PPOX: variants seen among roughly 807,000 people sequenced by gnomAD.
PPOX encodes the protein variegate porphyria.
PPOX carries 23 observed loss-of-function variants against 54.1 expected under a neutral mutation model. That is an observed-to-expected ratio of 0.43 (90% confidence interval 0.31 to 0.60). PPOX has a LOEUF of 0.60. Ranked by LOEUF, PPOX falls within the 20% of genes least tolerant of loss-of-function variation. The pLI, the probability that PPOX is intolerant of heterozygous loss-of-function variation, is 0.13. For synonymous variants in PPOX, 224 were observed against 236.1 expected (o/e 0.95, Z 0.47); for missense variants, 512 against 601.1 (o/e 0.85, Z 1.55).
rs200269178 is a variant in PPOX at position 161,170,576 on chromosome 1, T to C, written c.1099-44T>C. On this transcript the variant is annotated intron_variant, in intron 10 of 12. Transcript: ENST00000367999. ...TTCCAGAGGGCTCCTCTGTGCTCCA[T>C]TGTAGGCAAGGCCAGACTGATCAGT... 104 of 1,614,126 alleles carry C rather than the reference T, an allele frequency of 6.4e-5. No homozygotes were observed. The East Asian group carries it at 1.8e-3, about 29-fold the overall frequency.
downstream of PPOX, chr1:161,173,963 G>T: frequency 6.2e-7 from 1 of 1,614,158 alleles, no homozygotes; most frequent in Non-Finnish European, 8.5e-7. Flanking sequence ...CATCGTGCAA[G>T]AACAGGCAGT....
At chr1:161,177,134 G>A, downstream of PPOX, 3 of 1,477,424 alleles carry the variant, frequency 2.0e-6, no homozygotes, top group Non-Finnish European at 2.7e-6. Flanking sequence ...GGGAGAGCAG[G>A]GGCAGAGACA....
chr1:161,175,164 G>C (rs762343007), downstream of PPOX: 31 of 1,613,768 alleles, frequency 1.9e-5, no homozygotes, highest in Middle Eastern at 6.6e-4. Flanking sequence ...GTTCTACCCG[G>C]GGATTCCGCT....
At chr1:161,168,651 T>G in intron 6 of PPOX, 75 bp downstream of exon 6, 1 of 1,559,340 alleles carries the variant, frequency 6.4e-7, no homozygotes, top group South Asian at 1.1e-5. Context: ...AGGGGTGCTA[T>G]TCAATGATTC....
intron 6 of PPOX, 99 bp from the exon 7 acceptor site, chr1:161,168,894 C>G: frequency 7.2e-7 from 1 of 1,396,730 alleles, no homozygotes; most frequent in Non-Finnish European, 9.9e-7. Flanking sequence ...AAACTCCTGA[C>G]CTCAAGTGAT....
At chr1:161,166,340 T>C (rs1658878619), upstream of PPOX, 1 of 1,039,108 alleles carries the variant, frequency 9.6e-7, no homozygotes, top group Non-Finnish European at 1.2e-6. Flanking sequence ...CAATGTTTTA[T>C]TGGTGAACGT....
Position 161,169,173 on chromosome 1 carries a change from G to T in PPOX, c.797G>T (p.Gly266Val), listed in dbSNP as rs1660220346. Residue 266 changes from glycine (G) to valine (V), a missense_variant, in exon 7 of 13, where the codon GGG (glycine) becomes GTG (valine). By Grantham distance (109) the Gly-to-Val change is moderately radical. Transcript: ENST00000367999. The stretch of plus-strand genomic sequence containing the variant: ...TGTGGGCTCAGCCTCCAGGCAGAAG[G>T]GCGCTGGAAGGTAGGGGAACCCCTG... ...PVCGLSLQAE[G>V]RWKVSLRDSS... 2 of 1,613,928 alleles carry T rather than the reference G, an allele frequency of 1.2e-6. No individual in the cohort carries two copies. Among genetic ancestry groups the T allele is most frequent in the African/African-American group, 2.7e-5 (2 of 75,064 alleles).
Position 161,169,702 on chromosome 1 carries a change from A to C in PPOX, c.850A>C (p.Ser284Arg), listed in dbSNP as rs776885557. ...CAGTCTGGAGGCTGACCACGTTATT[A>C]GTGCCATTCCAGCTTCAGGTAATGG... Reference protein sequence around the residue: ...DSSLEADHVISAIPASVLSEL... With the variant: ...DSSLEADHVIRAIPASVLSEL... Residue 284 changes from serine (S) to arginine (R), a missense_variant, in exon 8 of 13, where the codon AGT becomes CGT. Transcript: ENST00000367999. The C allele has an allele frequency of 6.2e-7, 1 of 1,614,198 alleles. No individual in the cohort carries two copies. Among genetic ancestry groups the C allele is most frequent in the Non-Finnish European group, 8.5e-7 (1 of 1,180,018 alleles).
In PPOX at chr1:161,167,563, T is replaced by TC. The variant is rs1379768591; in HGVS notation, c.338+77_338+78insC. 6.7e-4 allele frequency: 882 copies of TC among 1,308,494 alleles called. 2 individuals are homozygous for TC. Among genetic ancestry groups the TC allele is most frequent in the Non-Finnish European group, 8.2e-4 (819 of 994,362 alleles). The allele number at this position is 1,308,494 out of a possible 1,614,324, so 81.1% of individuals were successfully genotyped here. On this transcript the variant is annotated intron_variant, in intron 4 of 12. Coordinates refer to ENST00000367999, the MANE Select transcript of PPOX (RefSeq NM_001122764.3). ...TCCATTTCTTTCTTCTTTTCTTTTT[T>TC]TTTTTTTTTTTTTTTTTTTTTGAGA...
At chr1:161,171,413 G>A, downstream of PPOX, 2 of 694,008 alleles carry the variant, frequency 2.9e-6, no homozygotes, top group Non-Finnish European at 4.7e-6. Flanking sequence ...TGCCCAGGGA[G>A]GGGCTTCCTT....
chr1:161,168,870 G>A, intron 6 of PPOX, 123 bp from the exon 7 acceptor site: 1 of 1,135,034 alleles, frequency 8.8e-7, no homozygotes, highest in Non-Finnish European at 1.3e-6. Flanking sequence ...CACTATGTTG[G>A]CCAGGCTGGT....
intron 7 of PPOX, 30 bp downstream of exon 7, chr1:161,169,213 TGTCA>T: frequency 6.2e-7 from 1 of 1,609,940 alleles, no homozygotes; most frequent in Non-Finnish European, 8.5e-7. Context: ...GTAATGAACC[TGTCA>T]GTGTTTCCAT....
chr1:161,176,377 C>T, intron 4 of PPOX: 1 of 462,064 alleles, frequency 2.2e-6, no homozygotes, highest in African/African-American at 2.0e-5. Flanking sequence ...ATGTTCATTT[C>T]AGAAAGTCTC....
Position 161,167,386 on chromosome 1 carries a change from T to C in PPOX, c.238T>C (p.Leu80=). 1 of 1,613,934 alleles carries C rather than the reference T, an allele frequency of 6.2e-7. No individual in the cohort carries two copies. The highest frequency in any genetic ancestry group is 8.5e-7 in the Non-Finnish European group (1 of 1,179,978). The change falls in exon 4 of 13, where the codon TTG becomes CTG. Residue 80 remains leucine, a synonymous_variant. Coordinates refer to ENST00000367999, the MANE Select transcript of PPOX (RefSeq NM_001122764.3). ...RTLLLVSELG[L]DSEVLPVRGD... The stretch of plus-strand genomic sequence containing the variant: ...TGGAGAGCAGGTTTCTGAGCTTGGC[T>C]TGGATTCAGAAGTGCTGCCTGTCCG...
At position 161,169,968 on chromosome 1, in the gene PPOX, G is replaced by A. The variant is rs1558034103; in HGVS notation, c.931G>A (p.Ala311Thr). ...PLARALSAIT[A>T]VSVAVVNLQY... ...GGCTCGTGCCCTGAGTGCCATCACT[G>A]CAGTGTCTGTAGCTGTGGTGAATCT... is the stretch of plus-strand genomic sequence containing the variant. The change falls in exon 9 of 13, where the codon GCA (alanine) becomes ACA (threonine). Residue 311 changes from alanine (A) to threonine (T), a missense_variant. Transcript: ENST00000367999. 1 of 1,614,138 alleles carries A rather than the reference G, an allele frequency of 6.2e-7. No individual in the cohort carries two copies. The highest frequency in any genetic ancestry group is 8.5e-7 in the Non-Finnish European group (1 of 1,180,016).
chr1:161,175,140 G>A, downstream of PPOX: 1 of 1,614,008 alleles, frequency 6.2e-7, no homozygotes, highest in Non-Finnish European at 8.5e-7. Flanking sequence ...CTGCAGGGCG[G>A]TACCGGCCCC....
At chr1:161,170,321 T>TGGGGGGGGGCCC in intron 9 of PPOX, 88 bp from the exon 10 acceptor site, 1 of 367,764 alleles carries the variant, frequency 2.7e-6, no homozygotes, top group Non-Finnish European at 5.3e-6. Flanking sequence ...TGAGACTCTG[T>TGGGGGGGGGCCC]CCCCCCCACC....
chr1:161,169,409 A>G, intron 7 of PPOX: 1 of 690,658 alleles, frequency 1.4e-6, no homozygotes, highest in South Asian at 1.8e-5. Flanking sequence ...GCTTAGAGAT[A>G]GGGGAAAGAA....
At chr1:161,166,268 C>A (rs774102912), upstream of PPOX, 536 of 999,278 alleles carry the variant, frequency 5.4e-4, 2 homozygotes, top group Middle Eastern at 1.0e-3. Flanking sequence ...TCACTCCCAG[C>A]TCGGCGCTAA....
Sources: allele counts gnomAD v4.1 joint callset, GRCh38; gene constraint gnomAD v4.1.1; transcripts MANE v1.5; gene names NCBI Gene and HGNC (gene_info 2026-07-23, HGNC 2026-07-21).